HDAC9: variants seen among roughly 807,000 people sequenced by gnomAD.
The protein encoded by HDAC9 is histone deacetylase 9, also known as MEF-2 interacting transcription repressor (MITR) protein.
Under a neutral mutation model 139.4 loss-of-function variants are expected in HDAC9, and 41 were observed. The observed-to-expected ratio is 0.29, with a 90% CI of 0.23 to 0.38. The LOEUF (loss-of-function observed/expected upper bound fraction) is 0.38. Among genes scored for constraint, HDAC9 ranks in the 10% least tolerant of loss-of-function variants. The probability of loss-of-function intolerance (pLI) is 1.00; values close to 1 mark genes in which losing one functional copy is unlikely to be tolerated. For missense variants in HDAC9, 1,147 were observed against 1,297.0 expected (o/e 0.88, Z 1.78); for synonymous variants, 517 against 476.2 (o/e 1.09, Z -1.12).
intron 1 of HDAC9, among the ~76,000 whole-genome samples, chr7:18,399,044 G>A (rs1188778334): frequency 2.6e-5 from 4 of 152,106 alleles, no homozygotes; most frequent in Admixed American, 2.6e-4. Context: ...CTGCCTATGG[G>A]CAAAGTTATT....
intron 2 of HDAC9, among the ~76,000 whole-genome samples, chr7:18,508,367 G>A (rs764339902): frequency 6.6e-6 from 1 of 152,146 alleles, no homozygotes; most frequent in Non-Finnish European, 1.5e-5. Context: ...AATAGATTAG[G>A]AATGGTCTGG....
chr7:18,392,679 G>A (rs945166742), intron 1 of HDAC9, among the ~76,000 whole-genome samples: 1 of 151,950 alleles, frequency 6.6e-6, no homozygotes, highest in Admixed American at 6.6e-5. Context: ...GATATTGTTA[G>A]TATTTTACCT....
intron 1 of HDAC9, among the ~76,000 whole-genome samples, chr7:18,434,818 C>T (rs945116677): frequency 2.6e-5 from 4 of 151,966 alleles, no homozygotes; most frequent in African/African-American, 7.2e-5. Flanking sequence ...CAGCCATTGT[C>T]AAAAGCAGTT....
intron 6 of HDAC9, among the ~76,000 whole-genome samples, chr7:18,595,980 GAT>G (rs1245248446): frequency 2.0e-5 from 3 of 151,666 alleles, no homozygotes; most frequent in Non-Finnish European, 2.9e-5. Context: ...TCCTTCTCAG[GAT>G]ATATATGTTA....
At chr7:18,922,744 A>G (rs1036550442) in intron 22 of HDAC9, among the ~76,000 whole-genome samples, 3 of 152,080 alleles carry the variant, frequency 2.0e-5, no homozygotes, top group Non-Finnish European at 2.9e-5. Flanking sequence ...CCTGAGTTAG[A>G]TTTAGTTACT....
chr7:18,754,103 C>T (rs1369422304), intron 14 of HDAC9, among the ~76,000 whole-genome samples: 1 of 151,934 alleles, frequency 6.6e-6, no homozygotes, highest in South Asian at 2.1e-4. Context: ...TTTGGCCTGA[C>T]GTGGCACTGT....
chr7:18,957,114 G>A (rs1264627038), intron 24 of HDAC9, among the ~76,000 whole-genome samples: 2 of 152,184 alleles, frequency 1.3e-5, no homozygotes, highest in Middle Eastern at 3.4e-3. Context: ...TGAATAGTGG[G>A]TTGAGGTTGT....
intron 1 of HDAC9, among the ~76,000 whole-genome samples, chr7:18,402,537 G>A (rs957070904): frequency 1.3e-5 from 2 of 152,130 alleles, no homozygotes; most frequent in Non-Finnish European, 2.9e-5. Context: ...GTAAAACAGG[G>A]ACCAGTTCAT....
intron 1 of HDAC9, among the ~76,000 whole-genome samples, chr7:18,145,823 A>C (rs1786275408): frequency 1.3e-5 from 2 of 152,194 alleles, no homozygotes. Flanking sequence ...AAAGGAGAGC[A>C]AAGTAGCCTA....
chr7:18,961,253 A>C (rs896075111), intron 24 of HDAC9, among the ~76,000 whole-genome samples: 14 of 152,162 alleles, frequency 9.2e-5, no homozygotes, highest in African/African-American at 2.9e-4. Context: ...AAGCCTGCAA[A>C]TCGAAAGATC....
At chr7:18,699,721 G>T (rs1262138770) in intron 12 of HDAC9, among the ~76,000 whole-genome samples, 1 of 151,938 alleles carries the variant, frequency 6.6e-6, no homozygotes. Context: ...TATATATTAA[G>T]ATATTCCCCA....
At chr7:18,780,473 C>A (rs140500862) in intron 16 of HDAC9, among the ~76,000 whole-genome samples, 2 of 152,024 alleles carry the variant, frequency 1.3e-5, no homozygotes, top group Admixed American at 6.6e-5. Flanking sequence ...CAACAGAGAT[C>A]CAGGGCACTG....
At chr7:18,634,230 A>T (rs557176400) in intron 7 of HDAC9, among the ~76,000 whole-genome samples, 9 of 152,024 alleles carry the variant, frequency 5.9e-5, no homozygotes, top group African/African-American at 2.2e-4. Flanking sequence ...TCTGAACCTC[A>T]TGGGTTAACG....
At chr7:18,974,892 T>G (rs549371072) in intron 24 of HDAC9, among the ~76,000 whole-genome samples, 1 of 152,300 alleles carries the variant, frequency 6.6e-6, no homozygotes, top group South Asian at 2.1e-4. Flanking sequence ...ATTTGCCTTT[T>G]CCACTCAAAC....
At chr7:18,513,655 G>A (rs572314749) in intron 2 of HDAC9, among the ~76,000 whole-genome samples, 2 of 152,292 alleles carry the variant, frequency 1.3e-5, no homozygotes, top group South Asian at 4.1e-4. Context: ...AGGATTTTCA[G>A]GAGGTTTAGC....
intron 22 of HDAC9, among the ~76,000 whole-genome samples, chr7:18,881,019 A>G (rs1799700794): frequency 6.6e-6 from 1 of 152,076 alleles, no homozygotes; most frequent in Non-Finnish European, 1.5e-5. Context: ...ATTTAGACTT[A>G]ACAGTGAGTT....
chr7:18,244,558 G>A (rs2128192449), intron 2 of HDAC9, among the ~76,000 whole-genome samples: 1 of 152,268 alleles, frequency 6.6e-6, no homozygotes, highest in East Asian at 1.9e-4. Flanking sequence ...CAGCACTTTG[G>A]GAGGCCAGGG....
chr7:18,991,463 C>G (rs1001732182), intron 25 of HDAC9, among the ~76,000 whole-genome samples: 1 of 152,144 alleles, frequency 6.6e-6, no homozygotes, highest in Admixed American at 6.5e-5. Context: ...CGGTGAAACC[C>G]TGTCTCTACT....
intron 14 of HDAC9, among the ~76,000 whole-genome samples, chr7:18,755,226 G>C (rs191309484): frequency 6.6e-6 from 1 of 152,248 alleles, no homozygotes; most frequent in East Asian, 1.9e-4. Flanking sequence ...TCACAGAGTG[G>C]ACCCAGGCAG....
Sources: allele counts gnomAD v4.1 joint callset (sites outside exome capture counted in the v4.1 genomes callset), GRCh38; gene constraint gnomAD v4.1.1; transcripts MANE v1.5; gene names NCBI Gene and HGNC (gene_info 2026-07-23, HGNC 2026-07-21).